CFAP144: variants seen among roughly 807,000 people sequenced by gnomAD.
CFAP144 encodes the protein cilia- and flagella-associated protein 144.
chr1:43,145,816 C>T, the CFAP144 span, among the ~76,000 whole-genome samples: 17,286 of 152,170 alleles, frequency 0.11, 1,408 homozygotes, highest in East Asian at 0.29. Context: ...TTCTTCCCTA[C>T]CAGATATTAG....
the CFAP144 span, among the ~76,000 whole-genome samples, chr1:43,154,866 C>G: frequency 5.4e-5 from 8 of 146,908 alleles, no homozygotes; most frequent in African/African-American, 2.1e-4. Context: ...CGGAAAAATA[C>G]TAGGAGGAAA....
the CFAP144 span, among the ~76,000 whole-genome samples, chr1:43,149,091 C>T: frequency 1.3e-5 from 2 of 152,166 alleles, no homozygotes; most frequent in African/African-American, 4.8e-5. Flanking sequence ...TCCAAGCTGG[C>T]CCCTCCGACC....
chr1:43,148,170 C>A, the CFAP144 span: 1 of 1,415,626 alleles, frequency 7.1e-7, no homozygotes, highest in Non-Finnish European at 9.6e-7. Flanking sequence ...GGTGGGAACG[C>A]GGTCCCAGCA....
the CFAP144 span, chr1:43,152,947 T>G: frequency 6.2e-7 from 1 of 1,604,950 alleles, no homozygotes; most frequent in South Asian, 1.1e-5. Context: ...CGTGGCTCCT[T>G]CCTCAGGAAA....
the CFAP144 span, chr1:43,156,296 G>A: frequency 6.2e-7 from 1 of 1,613,844 alleles, no homozygotes; most frequent in South Asian, 1.1e-5. Context: ...GGGCTTAGGA[G>A]ATGATCACCA....
At chr1:43,150,021 G>A in the CFAP144 span, among the ~76,000 whole-genome samples, 1 of 152,008 alleles carries the variant, frequency 6.6e-6, no homozygotes, top group East Asian at 1.9e-4. Flanking sequence ...CACACACACA[G>A]CACATTCCCT....
At chr1:43,145,556 C>T in the CFAP144 span, among the ~76,000 whole-genome samples, 4 of 152,320 alleles carry the variant, frequency 2.6e-5, no homozygotes, top group Admixed American at 2.6e-4. Flanking sequence ...GCCTCTTGCT[C>T]AGGCAGCACT....
chr1:43,156,035 A>G, the CFAP144 span, among the ~76,000 whole-genome samples: 34 of 152,272 alleles, frequency 2.2e-4, no homozygotes, highest in African/African-American at 7.7e-4. Context: ...TGCGTAGGTT[A>G]TTCTCCTCTG....
At chr1:43,154,253 A>G in the CFAP144 span, among the ~76,000 whole-genome samples, 1 of 145,342 alleles carries the variant, frequency 6.9e-6, no homozygotes, top group Admixed American at 6.9e-5. Context: ...ATAAAATATT[A>G]AATAAAATTT....
At chr1:43,155,268 T>C in the CFAP144 span, among the ~76,000 whole-genome samples, 1 of 152,210 alleles carries the variant, frequency 6.6e-6, no homozygotes, top group African/African-American at 2.4e-5. Context: ...ACAAGTAAAT[T>C]AATTCACCAT....
At chr1:43,156,367 C>T in the CFAP144 span, 1 of 1,355,364 alleles carries the variant, frequency 7.4e-7, no homozygotes, top group African/African-American at 1.4e-5. Flanking sequence ...GTGCACAGCC[C>T]AGAGAAATAA....
At chr1:43,149,902 A>C in the CFAP144 span, among the ~76,000 whole-genome samples, 2 of 152,116 alleles carry the variant, frequency 1.3e-5, no homozygotes, top group African/African-American at 4.8e-5. Flanking sequence ...ACTGGTTTCT[A>C]CTGGTGTCTG....
chr1:43,147,986 A>G, the CFAP144 span: 1 of 1,614,062 alleles, frequency 6.2e-7, no homozygotes, highest in Non-Finnish European at 8.5e-7. Flanking sequence ...GTGATTCCAG[A>G]TGAGGTCCAT....
At chr1:43,144,480 A>T in the CFAP144 span, among the ~76,000 whole-genome samples, 1 of 151,832 alleles carries the variant, frequency 6.6e-6, no homozygotes, top group Non-Finnish European at 1.5e-5. Context: ...AGCTACCTCA[A>T]ATTTCTCTTT....
chr1:43,152,670 T>G, the CFAP144 span: 1 of 678,572 alleles, frequency 1.5e-6, no homozygotes, highest in African/African-American at 1.8e-5. Flanking sequence ...TGTTGAAAGA[T>G]GAGTGGAGAG....
the CFAP144 span, chr1:43,156,087 C>A: frequency 2.0e-5 from 16 of 790,180 alleles, no homozygotes; most frequent in Non-Finnish European, 3.5e-5. Flanking sequence ...ATCTCCATTC[C>A]GCAATGCAGC....
chr1:43,152,975 G>A, the CFAP144 span: 2 of 1,578,278 alleles, frequency 1.3e-6, no homozygotes, highest in East Asian at 2.3e-5. Flanking sequence ...AAACACAGCA[G>A]CAATGTAAGT....
chr1:43,147,728 C>G, the CFAP144 span: 704 of 1,398,632 alleles, frequency 5.0e-4, 3 homozygotes, highest in Middle Eastern at 3.2e-3. Flanking sequence ...AGTACAGTGC[C>G]AGAATAGGGC....
At chr1:43,153,079 C>T in the CFAP144 span, 4 of 995,882 alleles carry the variant, frequency 4.0e-6, no homozygotes, top group African/African-American at 4.9e-5. Flanking sequence ...TCTCTTATGA[C>T]TCAGTTTAAT....
Sources: gnomAD v4.1 joint callset for allele counts (sites outside exome capture counted in the v4.1 genomes callset) on GRCh38, gnomAD v4.1.1 for gene constraint, MANE v1.5 for transcripts, NCBI Gene and HGNC (gene_info 2026-07-23, HGNC 2026-07-21) for gene names.